The following LPP variants were observed in gnomAD, a reference collection of about 807,000 sequenced individuals.
LPP encodes the protein LIM domain containing preferred translocation partner in lipoma, also known as lipoma-preferred partner.
A neutral mutation model predicts 60.4 loss-of-function variants in LPP; 38 were observed. That is an observed-to-expected ratio of 0.63 (90% CI 0.49 to 0.83). LPP has a LOEUF of 0.83. Ranked by LOEUF, LPP falls within the 40% of genes least tolerant of loss-of-function variation. The pLI is 0.00. For missense variants in LPP, 902 were observed against 783.6 expected, an observed-to-expected ratio of 1.15 and a Z score of -1.80; for synonymous variants, 328 against 290.8, an observed-to-expected ratio of 1.13 and a Z score of -1.30.
At chr3:188,475,138 A>G (rs1211180687) in intron 4 of LPP, among the ~76,000 whole-genome samples, 1 of 152,200 alleles carries the variant, frequency 6.6e-6, no homozygotes, top group African/African-American at 2.4e-5. Flanking sequence ...CAGGGTACTT[A>G]TTTGTGATTA....
rs925017880 is a variant in LPP, at chr3:188,708,570, A to G, written c.1240+177A>G. On this transcript the variant is annotated intron_variant, in intron 8 of 11. Transcript: ENST00000617246. ...GGATTTGCATTTGCAAGACTGCCAT[A>G]GATGTGATGTCTACTTAGCTTATAC... 1.2e-5 allele frequency: 9 copies of G among 780,516 alleles called. No homozygotes were observed. In the African/African-American group the frequency reaches 1.6e-4, roughly 13 times the overall value. 48.3% of individuals were successfully genotyped at this position (780,516 alleles called of 1,614,324 possible).
At position 188,753,699 on chromosome 3, in the gene LPP, C is replaced by T. The variant is rs113722336; in HGVS notation, c.1241-6414C>T. Among the ~76,000 whole-genome samples, 1,347 of 151,280 alleles carry T rather than the reference C, an allele frequency of 8.9e-3. 26 individuals are homozygous for T. The highest frequency in any genetic ancestry group is 0.031 in the African/African-American group (1,276 of 41,152). ...AAATGTTTCTTAATGTGACTGTCTC[C>T]GAAACTGTTTTGTGTCTACCACTCA... On this transcript the variant is annotated intron_variant, in intron 8 of 11. Transcript: ENST00000617246.
intron 7 of LPP, among the ~76,000 whole-genome samples, chr3:188,675,542 T>C (rs1857863822): frequency 1.3e-5 from 2 of 152,168 alleles, no homozygotes; most frequent in East Asian, 3.8e-4. Context: ...TCAAGGGGTG[T>C]TGGTAGTAAT....
chr3:188,755,809 C>CAAAAAAAAAAAAAAAAA (rs58696911), intron 8 of LPP, among the ~76,000 whole-genome samples: 2 of 73,984 alleles, frequency 2.7e-5, no homozygotes, highest in Non-Finnish European at 5.5e-5. Context: ...GATCCTGTCA[C>CAAAAAAAAAAAAAAAAA]AAAAAAAAAA....
chr3:188,601,727 A>G (rs543061365), intron 6 of LPP, among the ~76,000 whole-genome samples: 9 of 152,268 alleles, frequency 5.9e-5, no homozygotes, highest in African/African-American at 1.7e-4. Context: ...TCTGTTGTGC[A>G]GTCAGATTTA....
intron 7 of LPP, among the ~76,000 whole-genome samples, chr3:188,677,816 G>A (rs1381870277): frequency 6.6e-6 from 1 of 152,046 alleles, no homozygotes; most frequent in Non-Finnish European, 1.5e-5. Context: ...AATGATGGAT[G>A]TGTTTAAGGT....
At chr3:188,252,291 CT>C (rs1252075005) in intron 2 of LPP, among the ~76,000 whole-genome samples, 16 of 132,720 alleles carry the variant, frequency 1.2e-4, no homozygotes, top group African/African-American at 3.0e-4. Flanking sequence ...AATTTTTTTT[CT>C]TTTTTTTTGC....
At chr3:188,466,370 G>A (rs1800377990) in intron 4 of LPP, among the ~76,000 whole-genome samples, 2 of 152,084 alleles carry the variant, frequency 1.3e-5, no homozygotes. Flanking sequence ...CCTATTAAAG[G>A]AAGCCTTAGT....
chr3:188,630,791 T>C (rs1847721585), intron 7 of LPP, among the ~76,000 whole-genome samples: 1 of 152,080 alleles, frequency 6.6e-6, no homozygotes, highest in African/African-American at 2.4e-5. Flanking sequence ...CCATCAATAA[T>C]AGACTGGGTA....
At chr3:188,588,146 C>T (rs1464271114) in intron 6 of LPP, among the ~76,000 whole-genome samples, 8 of 152,078 alleles carry the variant, frequency 5.3e-5, no homozygotes, top group South Asian at 2.1e-4. Context: ...TATGGAATAG[C>T]GTATACAGCT....
chr3:188,582,200 A>T (rs1367089396), intron 6 of LPP, among the ~76,000 whole-genome samples: 1 of 130,010 alleles, frequency 7.7e-6, no homozygotes, highest in African/African-American at 2.9e-5. Flanking sequence ...TCATTCTGTC[A>T]CCCAGGCTGG....
At chr3:188,707,901 A>G (rs1253094237) in intron 7 of LPP, among the ~76,000 whole-genome samples, 2 of 152,146 alleles carry the variant, frequency 1.3e-5, no homozygotes, top group African/African-American at 4.8e-5. Context: ...TTAATTATTA[A>G]TGTGCCTGTA....
At chr3:188,407,402 G>T (rs942530206) in intron 4 of LPP, among the ~76,000 whole-genome samples, 1 of 152,202 alleles carries the variant, frequency 6.6e-6, no homozygotes, top group Non-Finnish European at 1.5e-5. Context: ...CAGATGTCTA[G>T]CTTGTGTAAG....
intron 2 of LPP, among the ~76,000 whole-genome samples, chr3:188,276,894 CT>C (rs1203656488): frequency 5.0e-4 from 19 of 38,226 alleles, no homozygotes; most frequent in South Asian, 1.1e-3. Context: ...CTTTTCTTTT[CT>C]TTTTTTTTTT....
chr3:188,263,908 A>G (rs560620276), intron 2 of LPP, among the ~76,000 whole-genome samples: 5 of 152,200 alleles, frequency 3.3e-5, no homozygotes, highest in African/African-American at 4.8e-5. Flanking sequence ...TTTTAAGTCC[A>G]TGTTCAAGTG....
At chr3:188,737,763 A>G (rs1723029563) in intron 8 of LPP, among the ~76,000 whole-genome samples, 1 of 152,146 alleles carries the variant, frequency 6.6e-6, no homozygotes, top group Non-Finnish European at 1.5e-5. Context: ...AGTGTCCCCT[A>G]CATAGAGAAC....
intron 4 of LPP, among the ~76,000 whole-genome samples, chr3:188,454,937 T>C (rs1797400614): frequency 6.6e-6 from 1 of 152,234 alleles, no homozygotes; most frequent in Non-Finnish European, 1.5e-5. Flanking sequence ...TACCTGCTTA[T>C]CTAAAGTTTT....
rs1283285383 is a variant in LPP at position 188,545,034 on chromosome 3, C to T, written c.429+20247C>T. Among the ~76,000 whole-genome samples, 82 of 81,970 alleles carry T rather than the reference C, an allele frequency of 1.0e-3. 1 individual carries two copies. Among genetic ancestry groups the T allele is most frequent in the Non-Finnish European group, 1.4e-3 (58 of 42,624 alleles). 53.8% of individuals were successfully genotyped at this position (81,970 alleles called of 152,430 possible). ...AAACCAAACACCGCATATTCTCACT[C>T]ATAGGTGGGAATTGAACAATGAGAT... On this transcript the variant is annotated intron_variant, in intron 6 of 11. Transcript: ENST00000617246.
intron 9 of LPP, among the ~76,000 whole-genome samples, chr3:188,829,659 A>C (rs1756594830): frequency 6.6e-6 from 1 of 152,130 alleles, no homozygotes; most frequent in African/African-American, 2.4e-5. Flanking sequence ...TGTGGCTAAA[A>C]TTGGCCACGT....
Sources: allele counts gnomAD v4.1 joint callset (sites outside exome capture counted in the v4.1 genomes callset), GRCh38; gene constraint gnomAD v4.1.1; transcripts MANE v1.5; gene names NCBI Gene and HGNC (gene_info 2026-07-23, HGNC 2026-07-21).